The following SLC24A2 variants were observed in gnomAD, a reference collection of about 807,000 sequenced individuals.
SLC24A2 encodes solute carrier family 24 member 2.
In SLC24A2, 36 loss-of-function variants were observed where a neutral mutation model predicts 62.0. The observed-to-expected ratio is 0.58, with a 90% CI of 0.44 to 0.77. The LOEUF is 0.77. SLC24A2 is among the 30% of genes least tolerant of loss of function. The pLI, the probability that SLC24A2 is intolerant of heterozygous loss-of-function variation, is 0.00. For synonymous variants in SLC24A2, 358 were observed against 294.0 expected, an observed-to-expected ratio of 1.22 and a Z score of -2.23; for missense variants, 846 against 817.9, an observed-to-expected ratio of 1.03 and a Z score of -0.42.
At chr9:20,275,412 T>C in the SLC24A2 span, among the ~76,000 whole-genome samples, 16 of 152,338 alleles carry the variant, frequency 1.1e-4, no homozygotes, top group South Asian at 1.9e-3. Context: ...AAAATGTGTA[T>C]AGATACAGTG....
the SLC24A2 span, among the ~76,000 whole-genome samples, chr9:20,003,941 C>A: frequency 6.7e-6 from 1 of 149,834 alleles, no homozygotes; most frequent in Non-Finnish European, 1.5e-5. Context: ...ATGATTACAA[C>A]TGCATATATG....
the SLC24A2 span, among the ~76,000 whole-genome samples, chr9:19,815,931 G>A: frequency 7.4e-5 from 11 of 148,506 alleles, no homozygotes; most frequent in African/African-American, 2.7e-4. Context: ...TGTTGGGACA[G>A]GTGTGATTAT....
At chr9:20,031,361 A>ATC in the SLC24A2 span, among the ~76,000 whole-genome samples, 1 of 146,354 alleles carries the variant, frequency 6.8e-6, no homozygotes, top group African/African-American at 2.5e-5. Flanking sequence ...TTATATATAT[A>ATC]TATATATATA....
rs189200331 is a variant in SLC24A2 at position 19,672,213 on chromosome 9, C to T, written c.931-49914G>A. ...GCAATTTCAAAATTACCATTTCATTCTCACTGTTTGTTATTGGTCTGGTTC... is the reference window on the plus strand; with the variant it reads ...GCAATTTCAAAATTACCATTTCATTTTCACTGTTTGTTATTGGTCTGGTTC... On this transcript the variant is annotated intron_variant, in intron 2 of 10. Coordinates refer to ENST00000341998, the MANE Select transcript of SLC24A2 (RefSeq NM_020344.4). Among the ~76,000 whole-genome samples the T allele has an allele frequency of 1.8e-3, 268 of 146,390 alleles. 16 individuals carry two copies. Among genetic ancestry groups the T allele is most frequent in the Non-Finnish European group, 2.6e-3 (176 of 67,350 alleles).
chr9:19,541,461 T>G (rs908612361), intron 8 of SLC24A2, among the ~76,000 whole-genome samples: 1 of 151,578 alleles, frequency 6.6e-6, no homozygotes, highest in Non-Finnish European at 1.5e-5. Flanking sequence ...TGGAATACCC[T>G]GCAGTGTGAG....
At chr9:20,141,098 C>T in the SLC24A2 span, among the ~76,000 whole-genome samples, 2 of 152,126 alleles carry the variant, frequency 1.3e-5, no homozygotes, top group African/African-American at 4.8e-5. Flanking sequence ...GCCTGATCCG[C>T]CCACCATGTA....
intron 2 of SLC24A2, among the ~76,000 whole-genome samples, chr9:19,784,246 T>A (rs62546431): frequency 0.26 from 40,202 of 152,136 alleles, 5,670 homozygotes; most frequent in South Asian, 0.4. Context: ...CATGAAAGCA[T>A]CTTCCACTCC....
At chr9:19,794,347 C>A in the SLC24A2 span, among the ~76,000 whole-genome samples, 1 of 152,084 alleles carries the variant, frequency 6.6e-6, no homozygotes, top group Admixed American at 6.6e-5. Flanking sequence ...TGAATTAATG[C>A]AGGAACAGAA....
At chr9:19,657,311 T>C (rs1298256012) in intron 2 of SLC24A2, among the ~76,000 whole-genome samples, 1 of 152,198 alleles carries the variant, frequency 6.6e-6, no homozygotes, top group Non-Finnish European at 1.5e-5. Flanking sequence ...TCTTATTCCT[T>C]CTCCCACAAT....
At chr9:19,697,699 C>T (rs1011452679) in intron 2 of SLC24A2, among the ~76,000 whole-genome samples, 2 of 152,060 alleles carry the variant, frequency 1.3e-5, no homozygotes, top group Admixed American at 6.6e-5. Context: ...ATACATTTAG[C>T]AGGTTAAAAT....
the SLC24A2 span, among the ~76,000 whole-genome samples, chr9:19,812,400 A>G: frequency 2.0e-4 from 31 of 152,182 alleles, no homozygotes; most frequent in East Asian, 4.6e-3. Flanking sequence ...TTTCCCAGCA[A>G]TCTATCTTCT....
the SLC24A2 span, among the ~76,000 whole-genome samples, chr9:19,896,744 T>C: frequency 1.3e-5 from 2 of 152,226 alleles, no homozygotes; most frequent in African/African-American, 2.4e-5. Context: ...TCTTCTTAAC[T>C]GGATGGCATT....
At chr9:20,208,239 C>T in the SLC24A2 span, among the ~76,000 whole-genome samples, 163 of 152,226 alleles carry the variant, frequency 1.1e-3, 5 homozygotes, top group South Asian at 0.028. Flanking sequence ...AGCAGGTTAA[C>T]GTGGCTGGGG....
At chr9:19,866,625 CTTTTTTTTTTTTTT>C in the SLC24A2 span, among the ~76,000 whole-genome samples, 4 of 68,190 alleles carry the variant, frequency 5.9e-5, no homozygotes, top group South Asian at 7.1e-4. Context: ...CACGTTTTCA[CTTTTTTTTTTTTTT>C]TTTTTTTTTT....
chr9:19,597,235 C>A lies in SLC24A2; in HGVS notation c.1123G>T (p.Glu375Ter). 1.3e-6 allele frequency: 2 copies of A among 1,579,410 alleles called. No individual in the cohort carries two copies. Among genetic ancestry groups the A allele is most frequent in the Non-Finnish European group, 1.7e-6 (2 of 1,148,520 alleles). ...ATTCTAAAATCATTCTTACCTTCTT[C>A]AGTCATTGTGTCATAATATTTTAGT... The part of the protein sequence containing the change: ...GKLKYYDTMT[E>*]EGRFREKASI... Residue 375 changes from glutamate to a stop codon, truncating the protein, a stop_gained, in exon 5 of 11, where the codon GAA becomes TAA. Coordinates refer to ENST00000341998, the MANE Select transcript of SLC24A2 (RefSeq NM_020344.4). LOFTEE classifies it high-confidence loss of function.
At chr9:20,216,912 A>G in the SLC24A2 span, among the ~76,000 whole-genome samples, 5 of 152,176 alleles carry the variant, frequency 3.3e-5, no homozygotes, top group African/African-American at 1.2e-4. Flanking sequence ...AATGTGTCTT[A>G]AACTTATGGA....
At chr9:20,083,184 G>A in the SLC24A2 span, among the ~76,000 whole-genome samples, 1 of 152,208 alleles carries the variant, frequency 6.6e-6, no homozygotes, top group Admixed American at 6.5e-5. Context: ...ATATACTCAG[G>A]GGAGAGACAT....
At chr9:20,204,501 AAGTGTTG>A in the SLC24A2 span, among the ~76,000 whole-genome samples, 1 of 152,148 alleles carries the variant, frequency 6.6e-6, no homozygotes. Context: ...AAAATATTCA[AAGTGTTG>A]AATATTTCCT....
rs1043873773 is a variant in SLC24A2 at position 19,707,308 on chromosome 9, G to T, written c.930+78629C>A. 4.9e-3 allele frequency among the ~76,000 whole-genome samples: 748 copies of T among 152,304 alleles called. 5 individuals carry two copies. The highest frequency in any genetic ancestry group is 0.017 in the African/African-American group (705 of 41,552). On this transcript the variant is annotated intron_variant, in intron 2 of 10. Coordinates refer to ENST00000341998, the MANE Select transcript of SLC24A2 (RefSeq NM_020344.4). ...AAGTCCAGGACCAGATGGATTCACA[G>T]CCGAATTCTACCAGAGGTACAAGGA...
Sources: gnomAD v4.1 joint callset for allele counts (sites outside exome capture counted in the v4.1 genomes callset) on GRCh38, gnomAD v4.1.1 for gene constraint, MANE v1.5 for transcripts, NCBI Gene and HGNC (gene_info 2026-07-23, HGNC 2026-07-21) for gene names.